Variants in ATXN10 observed in about 807,000 individuals in gnomAD.
ATXN10 encodes ataxin 10, also known as ataxin-10.
A neutral mutation model predicts 52.9 loss-of-function variants in ATXN10; 28 were observed. That is an observed-to-expected ratio of 0.53 (90% CI 0.39 to 0.73). ATXN10 has a LOEUF of 0.73. Among genes scored for constraint, ATXN10 ranks in the 30% least tolerant of loss-of-function variants. The pLI, the probability that ATXN10 is intolerant of heterozygous loss-of-function variation, is 0.00. For synonymous variants in ATXN10, 226 were observed against 221.5 expected (o/e 1.02, Z -0.18); for missense variants, 565 against 577.0 (o/e 0.98, Z 0.21).
chr22:45,702,441 G>T (rs75421563), intron 4 of ATXN10, among the ~76,000 whole-genome samples: 79 of 152,124 alleles, frequency 5.2e-4, no homozygotes, highest in Non-Finnish European at 2.2e-4. Context: ...TTCTCTAATG[G>T]TAAGTTATTT....
rs896545201 is a variant in ATXN10 at position 45,754,837 on chromosome 22, A to C, written c.1173+14299A>C. ...GCCACTGCACTCCAGCCTGGGCAAC[A>C]GAGTGAGACTCTGTCTCAAAAAATG... On this transcript the variant is annotated intron_variant, in intron 9 of 11. Coordinates refer to ENST00000252934, the MANE Select transcript of ATXN10 (RefSeq NM_013236.4). The surrounding 1 kb of genome is among the most constrained non-coding windows in gnomAD (Gnocchi z 5.4). Among the ~76,000 whole-genome samples, 1 of 152,268 alleles carries C rather than the reference A, an allele frequency of 6.6e-6. No individual in the cohort carries two copies. Among genetic ancestry groups the C allele is most frequent in the Non-Finnish European group, 1.5e-5 (1 of 68,044 alleles).
chr22:45,672,394 C>G lies in ATXN10; in HGVS notation c.116+215C>G, dbSNP rs992136958. 9.3e-6 allele frequency: 3 copies of G among 323,294 alleles called. No individual in the cohort carries two copies. In the South Asian group the frequency reaches 4.0e-4, roughly 44 times the overall value. 20.0% of individuals were successfully genotyped at this position (323,294 alleles called of 1,614,324 possible). On this transcript the variant is annotated intron_variant, in intron 1 of 11. Coordinates refer to ENST00000252934, the MANE Select transcript of ATXN10 (RefSeq NM_013236.4). ...CGGGGCCTGGGGCGGGCGCCCCGCT[C>G]CCCCACCGCAGCCAGTCCGGGTGCG... is the stretch of plus-strand genomic sequence containing the variant.
chr22:45,775,017 C>T lies in ATXN10; in HGVS notation c.1174-31942C>T, dbSNP rs1382866875. 6.6e-6 allele frequency among the ~76,000 whole-genome samples: 1 copy of T among 152,192 alleles called. No individual in the cohort carries two copies. The highest frequency in any genetic ancestry group is 1.5e-5 in the Non-Finnish European group (1 of 68,036). ...TTTGTTTGTTTGTTTTGCCTTTTCCCCATCCCTTTTTCTGGTAGTTTGTAA... is the reference window on the plus strand; with the variant it reads ...TTTGTTTGTTTGTTTTGCCTTTTCCTCATCCCTTTTTCTGGTAGTTTGTAA... On this transcript the variant is annotated intron_variant, in intron 9 of 11. Coordinates refer to ENST00000252934, the MANE Select transcript of ATXN10 (RefSeq NM_013236.4). The surrounding 1 kb of genome is among the most constrained non-coding windows in gnomAD (Gnocchi z 4.7).
At chr22:45,711,644 C>T (rs1924255306) in intron 5 of ATXN10, among the ~76,000 whole-genome samples, 1 of 152,046 alleles carries the variant, frequency 6.6e-6, no homozygotes. Flanking sequence ...CAGAATCTCT[C>T]TTGTGTTTTG....
At position 45,822,056 on chromosome 22, in the gene ATXN10, G is replaced by A. The variant is rs142507889; in HGVS notation, c.1237+15034G>A. On this transcript the variant is annotated intron_variant, in intron 10 of 11. Transcript: ENST00000252934. ...CTAAACCATGTCTGGTAGATTGGCC[G>A]TCTTTGAAGTTCATATAAACGGAAT... is the stretch of plus-strand genomic sequence containing the variant. 5.4e-3 allele frequency among the ~76,000 whole-genome samples: 826 copies of A among 152,272 alleles called. 10 individuals are homozygous for A. Among genetic ancestry groups the A allele is most frequent in the African/African-American group, 0.019 (790 of 41,542 alleles).
At position 45,750,387 on chromosome 22, in the gene ATXN10, C is replaced by T. The variant is rs936407016; in HGVS notation, c.1173+9849C>T. Among the ~76,000 whole-genome samples, 4 of 152,084 alleles carry T rather than the reference C, an allele frequency of 2.6e-5. No individual in the cohort carries two copies. Among genetic ancestry groups the T allele is most frequent in the East Asian group, 1.9e-4 (1 of 5,194 alleles). Reference sequence around the variant, plus strand: ...CTAGGATTACAGGTGTGAGTCACCACGCCCGGCCGACAACAGTGATTTTAA... The same window carrying T: ...CTAGGATTACAGGTGTGAGTCACCATGCCCGGCCGACAACAGTGATTTTAA... On this transcript the variant is annotated intron_variant, in intron 9 of 11. Coordinates refer to ENST00000252934, the MANE Select transcript of ATXN10 (RefSeq NM_013236.4). The surrounding 1 kb of genome is among the most constrained non-coding windows in gnomAD (Gnocchi z 4.2).
At position 45,671,892 on chromosome 22, in the gene ATXN10, G is replaced by C. The variant is rs1922451364; in HGVS notation, c.-172G>C. On this transcript the variant is annotated 5_prime_UTR_variant, in exon 1 of 12. Transcript: ENST00000252934. ...GCTCAGCCTAGAGCTCTCCGGCGGC[G>C]GCGCAGCTTCAGGGCAGCGCGGGCT... The C allele has an allele frequency of 1.5e-6, 1 of 676,442 alleles. No homozygotes were observed. The highest frequency in any genetic ancestry group is 2.3e-6 in the Non-Finnish European group (1 of 425,950). 41.9% of individuals were successfully genotyped at this position (676,442 alleles called of 1,614,324 possible). A position where few individuals can be genotyped will look rare whatever the true frequency, so the allele number is the denominator to read the frequency against.
chr22:45,683,034 A>G lies in ATXN10; in HGVS notation c.117-6678A>G, dbSNP rs1463309774. On this transcript the variant is annotated intron_variant, in intron 1 of 11. Coordinates refer to ENST00000252934, the MANE Select transcript of ATXN10 (RefSeq NM_013236.4). The surrounding 1 kb of genome is among the most constrained non-coding windows in gnomAD (Gnocchi z 4.8). ...GTCACCCCTCTGCTCAGAACCTTCC[A>G]TGGGCCGGGCACGGTGGCTCACGCC... Among the ~76,000 whole-genome samples, 3 of 152,124 alleles carry G rather than the reference A, an allele frequency of 2.0e-5. No homozygotes were observed. Among genetic ancestry groups the G allele is most frequent in the East Asian group, 1.9e-4 (1 of 5,178 alleles).
chr22:45,752,808 G>C, intron 9 of ATXN10, among the ~76,000 whole-genome samples: 1 of 151,346 alleles, frequency 6.6e-6, no homozygotes, highest in Non-Finnish European at 1.5e-5. Context: ...GTGCGATCTC[G>C]ACGCAACCTC....
chr22:45,746,166 A>T (rs1313654392), intron 9 of ATXN10, among the ~76,000 whole-genome samples: 6 of 151,890 alleles, frequency 4.0e-5, no homozygotes, highest in African/African-American at 1.5e-4. Flanking sequence ...TTTTTTCATT[A>T]ATCTTAAATA....
chr22:45,760,601 T>C (rs528475048), intron 9 of ATXN10: 2 of 154,200 alleles, frequency 1.3e-5, no homozygotes, highest in Middle Eastern at 5.2e-4. Flanking sequence ...GTGTCAAGAA[T>C]AACAACGATT....
chr22:45,751,536 A>C (rs990365265), intron 9 of ATXN10, among the ~76,000 whole-genome samples: 1 of 151,660 alleles, frequency 6.6e-6, no homozygotes, highest in Non-Finnish European at 1.5e-5. Context: ...AGGCATTTGA[A>C]TTTCCTCTCT....
rs1039256247 is a variant in ATXN10, at chr22:45,775,353, A to G, written c.1174-31606A>G. Among the ~76,000 whole-genome samples, 2 of 152,206 alleles carry G rather than the reference A, an allele frequency of 1.3e-5. No individual in the cohort carries two copies. The highest frequency in any genetic ancestry group is 4.8e-5 in the African/African-American group (2 of 41,460). ...GGTGCACCCTCTCTTAAGTGGCTTC[A>G]TGGAGATTTTGTAAGAAATTGAGAC... On this transcript the variant is annotated intron_variant, in intron 9 of 11. Transcript: ENST00000252934. The surrounding 1 kb of genome is among the most constrained non-coding windows in gnomAD (Gnocchi z 4.7).
At chr22:45,700,609 T>A (rs1226566970) in intron 4 of ATXN10, among the ~76,000 whole-genome samples, 1 of 152,216 alleles carries the variant, frequency 6.6e-6, no homozygotes, top group Non-Finnish European at 1.5e-5. Flanking sequence ...GATGTATACA[T>A]ATCCAAACTT....
In ATXN10 at chr22:45,783,774, T is replaced by A. The variant is rs1927231068; in HGVS notation, c.1174-23185T>A. On this transcript the variant is annotated intron_variant, in intron 9 of 11. Transcript: ENST00000252934. This position sits in a 1 kb window ranked among gnomAD's most constrained non-coding sequence, Gnocchi z 5.0. ...TAAATAAATAGAAGATTAAAAGAGG[T>A]GCCAGGTGTTAGCACACAGAGAAAT... 6.6e-6 allele frequency among the ~76,000 whole-genome samples: 1 copy of A among 152,188 alleles called. No individual in the cohort carries two copies. The highest frequency in any genetic ancestry group is 2.1e-4 in the South Asian group (1 of 4,828).
chr22:45,807,462 A>C (rs1238582504), intron 10 of ATXN10, among the ~76,000 whole-genome samples: 1 of 152,174 alleles, frequency 6.6e-6, no homozygotes, highest in East Asian at 1.9e-4. Flanking sequence ...AAACATGAGG[A>C]GCACTCTGGC....
chr22:45,696,754 A>C lies in ATXN10; in HGVS notation c.392-3528A>C, dbSNP rs1354433802. 6.6e-6 allele frequency among the ~76,000 whole-genome samples: 1 copy of C among 152,212 alleles called. No homozygotes were observed. Among genetic ancestry groups the C allele is most frequent in the East Asian group, 1.9e-4 (1 of 5,200 alleles). On this transcript the variant is annotated intron_variant, in intron 3 of 11. Coordinates refer to ENST00000252934, the MANE Select transcript of ATXN10 (RefSeq NM_013236.4). The surrounding 1 kb of genome is among the most constrained non-coding windows in gnomAD (Gnocchi z 4.7). Reference sequence around the variant, plus strand: ...TACAAAAGATGTATTTAGTTTTTACAATATATGGTAAAAGATTATTTCATC... The same window carrying C: ...TACAAAAGATGTATTTAGTTTTTACCATATATGGTAAAAGATTATTTCATC...
chr22:45,811,567 A>G, intron 10 of ATXN10: 1 of 359,646 alleles, frequency 2.8e-6, no homozygotes, highest in Non-Finnish European at 5.5e-6. Flanking sequence ...CATGCTATAC[A>G]GTTCTATAGT....
rs1176547039 is a variant in ATXN10, at chr22:45,766,680, AC to A, written c.1173+26143del. Among the ~76,000 whole-genome samples, 4,527 of 152,296 alleles carry A rather than the reference AC, an allele frequency of 0.03. 221 individuals are homozygous for A. Among genetic ancestry groups the A allele is most frequent in the African/African-American group, 0.1 (4,305 of 41,542 alleles). The stretch of plus-strand genomic sequence containing the variant: ...AGAGAAAAGGTTGATAAATTTAAGT[AC>A]ATTTTTAAAAAGTTGGATGACAAGA... On this transcript the variant is annotated intron_variant, in intron 9 of 11. Coordinates refer to ENST00000252934, the MANE Select transcript of ATXN10 (RefSeq NM_013236.4). This position sits in a 1 kb window ranked among gnomAD's most constrained non-coding sequence, Gnocchi z 4.6.
Sources: gnomAD v4.1 joint callset for allele counts (sites outside exome capture counted in the v4.1 genomes callset) on GRCh38, gnomAD v4.1.1 for gene constraint, Gnocchi (gnomAD v3.1) non-coding constraint, MANE v1.5 for transcripts, NCBI Gene and HGNC (gene_info 2026-07-23, HGNC 2026-07-21) for gene names.